The following DHRS12 variants were observed in gnomAD, a reference collection of about 807,000 sequenced individuals.
The protein encoded by DHRS12 is dehydrogenase/reductase 12.
A neutral mutation model predicts 32.1 loss-of-function variants in DHRS12; 29 were observed. That is an observed-to-expected ratio of 0.90 (90% CI 0.67 to 1.23). The LOEUF (loss-of-function observed/expected upper bound fraction) is 1.23, where lower values mean the gene tolerates loss of function less well. Ranked by LOEUF, DHRS12 falls within the 50% of genes most tolerant of loss-of-function variation. The pLI, the probability that DHRS12 is intolerant of heterozygous loss-of-function variation, is 0.00. For missense variants in DHRS12, 330 were observed against 337.2 expected (o/e 0.98, Z 0.17); for synonymous variants, 150 against 135.9 (o/e 1.10, Z -0.72).
At chr13:51,761,707 A>C in the DHRS12 span, 28 of 152,306 alleles carry the variant, frequency 1.8e-4, no homozygotes, top group African/African-American at 5.3e-4. Flanking sequence ...TACTGCCCCT[A>C]CGTGTGTTTC....
At chr13:51,762,927 T>TATC in the DHRS12 span, 2 of 152,250 alleles carry the variant, frequency 1.3e-5, no homozygotes, top group African/African-American at 2.4e-5. Context: ...TGCCTGAGTG[T>TATC]ATCTTCACAA....
chr13:51,786,655 C>A (rs931140205), intron 4 of DHRS12, among the ~76,000 whole-genome samples: 12 of 152,222 alleles, frequency 7.9e-5, no homozygotes, highest in African/African-American at 2.9e-4. Flanking sequence ...AATTCATACA[C>A]TGTGATGTCT....
intron 4 of DHRS12, among the ~76,000 whole-genome samples, chr13:51,786,776 C>T (rs948072114): frequency 2.0e-5 from 3 of 152,202 alleles, no homozygotes; most frequent in Non-Finnish European, 2.9e-5. Flanking sequence ...CTGAGGTTTA[C>T]GCTCTCCTCA....
chr13:51,758,552 TAAAA>T, the DHRS12 span, among the ~76,000 whole-genome samples: 7 of 127,706 alleles, frequency 5.5e-5, no homozygotes, highest in African/African-American at 8.7e-5. Context: ...CCTCATCTCT[TAAAA>T]AAAAAAAAAA....
chr13:51,771,761 G>A (rs1399669544), intron 7 of DHRS12, 60 bp downstream of exon 7: 23 of 1,578,392 alleles, frequency 1.5e-5, no homozygotes, highest in South Asian at 2.2e-5. Context: ...CAATCCTGCG[G>A]CTGCTCAGGT....
At chr13:51,772,051 C>CA in intron 6 of DHRS12, 140 bp from the exon 7 acceptor site, 1 of 755,188 alleles carries the variant, frequency 1.3e-6, no homozygotes, top group South Asian at 1.8e-5. Context: ...CACCCTCCTC[C>CA]AAAATCAGTC....
chr13:51,780,879 C>T (rs1325306862), intron 4 of DHRS12, among the ~76,000 whole-genome samples: 2 of 152,142 alleles, frequency 1.3e-5, no homozygotes, highest in Non-Finnish European at 2.9e-5. Context: ...AAATATATTG[C>T]AATTTGTAAA....
downstream of DHRS12, chr13:51,767,988 A>G: frequency 7.2e-7 from 1 of 1,383,292 alleles, no homozygotes; most frequent in Non-Finnish European, 9.3e-7. Flanking sequence ...AACCTGCTGC[A>G]GGAGTTCAAG....
At chr13:51,780,616 T>C (rs1231797121) in intron 4 of DHRS12, among the ~76,000 whole-genome samples, 1 of 152,238 alleles carries the variant, frequency 6.6e-6, no homozygotes, top group Non-Finnish European at 1.5e-5. Context: ...ATGTTGGACA[T>C]AGTCTTCTAA....
chr13:51,768,639 G>A (rs965719186), intron 8 of DHRS12: 5 of 1,141,796 alleles, frequency 4.4e-6, no homozygotes, highest in Admixed American at 8.8e-5. Context: ...ACAGAGGAAA[G>A]AGAAGCCAAG....
chr13:51,801,240 G>A (rs1271244087), intron 1 of DHRS12, among the ~76,000 whole-genome samples: 3 of 152,200 alleles, frequency 2.0e-5, no homozygotes, highest in Non-Finnish European at 2.9e-5. Context: ...AGGATGGAGT[G>A]CAGTGGCGCG....
chr13:51,767,764 C>T (rs966923925), downstream of DHRS12: 1 of 166,054 alleles, frequency 6.0e-6, no homozygotes, highest in Non-Finnish European at 1.1e-5. Context: ...AAGGCAGTGT[C>T]CAGCCCTCTC....
intron 5 of DHRS12, chr13:51,774,356 TCC>T (rs1314973058): frequency 5.3e-5 from 6 of 113,504 alleles, no homozygotes; most frequent in African/African-American, 2.8e-4. Flanking sequence ...ACATGTATTC[TCC>T]TACAGTATTC....
chr13:51,791,117 C>A (rs1401512662), intron 3 of DHRS12, 48 bp downstream of exon 3: 6 of 1,360,258 alleles, frequency 4.4e-6, no homozygotes, highest in Middle Eastern at 3.7e-4. Context: ...CAGACGGAAA[C>A]AATGGGCCAA....
At chr13:51,755,511 C>T in the DHRS12 span, 10 of 1,557,442 alleles carry the variant, frequency 6.4e-6, no homozygotes, top group East Asian at 2.2e-5. Context: ...AATAGCTCAA[C>T]CATGTGATCT....
At chr13:51,762,917 T>C in the DHRS12 span, 1 of 152,270 alleles carries the variant, frequency 6.6e-6, no homozygotes, top group African/African-American at 2.4e-5. Flanking sequence ...TTGACATTAC[T>C]GCCTGAGTGT....
chr13:51,787,081 T>C (rs1212209943), intron 4 of DHRS12, among the ~76,000 whole-genome samples: 1 of 152,190 alleles, frequency 6.6e-6, no homozygotes, highest in African/African-American at 2.4e-5. Flanking sequence ...CTTTGTGTAT[T>C]GTACTACTTC....
At chr13:51,755,309 T>G in the DHRS12 span, 1 of 1,575,644 alleles carries the variant, frequency 6.3e-7, no homozygotes, top group Non-Finnish European at 8.7e-7. Context: ...TGGTTTCCAT[T>G]GTCCTGACTG....
At position 51,771,199 on chromosome 13, in the gene DHRS12, C is replaced by G. The variant is rs936949327; in HGVS notation, c.559+622G>C. On this transcript the variant is annotated intron_variant, in intron 7 of 8. Transcript: ENST00000444610. ...GCGCTGAGACCAGTTCTTGGCGCCG[C>G]GGGTGCACCCTGGGGTGTGTGCTGT... 5 of 1,549,940 alleles carry G rather than the reference C, an allele frequency of 3.2e-6. No individual in the cohort carries two copies. The African/African-American group carries it at 6.8e-5, about 21-fold the overall frequency.
Sources: allele counts gnomAD v4.1 joint callset (sites outside exome capture counted in the v4.1 genomes callset), GRCh38; gene constraint gnomAD v4.1.1; transcripts MANE v1.5; gene names NCBI Gene and HGNC (gene_info 2026-07-23, HGNC 2026-07-21).